Variants in CTNND2 observed in about 807,000 individuals in gnomAD.
CTNND2 encodes the protein catenin delta-2.
In CTNND2, 22 loss-of-function variants were observed where a neutral mutation model predicts 144.4. That is an observed-to-expected ratio of 0.15 (90% CI 0.11 to 0.22). The LOEUF (loss-of-function observed/expected upper bound fraction) is 0.22, where lower values mean the gene tolerates loss of function less well. Ranked by LOEUF, CTNND2 falls within the 10% of genes least tolerant of loss-of-function variation. CTNND2 has a pLI of 1.00. For missense variants in CTNND2, 1,353 were observed against 1,618.8 expected, an observed-to-expected ratio of 0.84 and a Z score of 2.82; for synonymous variants, 751 against 695.6, an observed-to-expected ratio of 1.08 and a Z score of -1.25.
intron 2 of CTNND2, among the ~76,000 whole-genome samples, chr5:11,578,321 G>A (rs1333628244): frequency 2.0e-5 from 3 of 152,118 alleles, no homozygotes; most frequent in Admixed American, 1.3e-4. Flanking sequence ...TCTTCACAAT[G>A]ACCCAATGAT....
intron 9 of CTNND2, among the ~76,000 whole-genome samples, chr5:11,314,400 G>A (rs943860411): frequency 2.0e-5 from 3 of 152,156 alleles, no homozygotes; most frequent in Non-Finnish European, 4.4e-5. Flanking sequence ...ACCCAGGCTG[G>A]AGTGCAGCGG....
chr5:11,284,034 C>T (rs1747461100), intron 9 of CTNND2, among the ~76,000 whole-genome samples: 1 of 152,088 alleles, frequency 6.6e-6, no homozygotes, highest in South Asian at 2.1e-4. Context: ...TGAGATGGTC[C>T]CTTTACTGAG....
At chr5:10,999,741 C>A (rs1053084561) in intron 18 of CTNND2, among the ~76,000 whole-genome samples, 3 of 151,998 alleles carry the variant, frequency 2.0e-5, no homozygotes, top group African/African-American at 7.2e-5. Context: ...GATAGAAATC[C>A]AAAAAAGAAG....
At chr5:11,295,603 C>T (rs1033652227) in intron 9 of CTNND2, among the ~76,000 whole-genome samples, 1 of 152,124 alleles carries the variant, frequency 6.6e-6, no homozygotes, top group Non-Finnish European at 1.5e-5. Flanking sequence ...CTACAGTAAC[C>T]AAAACAGCAT....
At chr5:11,565,913 T>C (rs1777058178) in intron 2 of CTNND2, among the ~76,000 whole-genome samples, 1 of 152,186 alleles carries the variant, frequency 6.6e-6, no homozygotes, top group South Asian at 2.1e-4. Context: ...GTTTTTACAA[T>C]GTCACATTTA....
chr5:11,183,086 G>A (rs1391603474), intron 11 of CTNND2, among the ~76,000 whole-genome samples: 1 of 152,092 alleles, frequency 6.6e-6, no homozygotes, highest in African/African-American at 2.4e-5. Flanking sequence ...ATTTTCATTA[G>A]ATTCAAATTA....
intron 3 of CTNND2, among the ~76,000 whole-genome samples, chr5:11,533,536 G>A (rs1010279223): frequency 5.9e-5 from 9 of 152,178 alleles, no homozygotes; most frequent in Admixed American, 2.0e-4. Context: ...GCCAGCAGAC[G>A]TGGGGTAGCA....
At chr5:11,818,992 G>A (rs1368122950) in intron 1 of CTNND2, among the ~76,000 whole-genome samples, 1 of 152,174 alleles carries the variant, frequency 6.6e-6, no homozygotes, top group Non-Finnish European at 1.5e-5. Flanking sequence ...CTTATAAGTA[G>A]GCTTTACAGT....
chr5:11,858,606 T>C (rs866707938), intron 1 of CTNND2, among the ~76,000 whole-genome samples: 1 of 152,196 alleles, frequency 6.6e-6, no homozygotes, highest in African/African-American at 2.4e-5. Flanking sequence ...ACTATCCACG[T>C]TTAATCAAAT....
intron 1 of CTNND2, among the ~76,000 whole-genome samples, chr5:11,894,754 C>A (rs528893189): frequency 6.6e-6 from 1 of 152,180 alleles, no homozygotes; most frequent in Non-Finnish European, 1.5e-5. Context: ...CAAGAGAAGG[C>A]AAGTGCCAAG....
chr5:11,262,927 T>C (rs1381121045), intron 9 of CTNND2, among the ~76,000 whole-genome samples: 1 of 152,088 alleles, frequency 6.6e-6, no homozygotes, highest in African/African-American at 2.4e-5. Context: ...AAAAAAGACT[T>C]TTCCTGCCGA....
intron 12 of CTNND2, 113 bp downstream of exon 12, chr5:11,159,463 C>A: frequency 1.2e-6 from 1 of 856,030 alleles, no homozygotes; most frequent in African/African-American, 1.7e-5. Flanking sequence ...CATCAACATT[C>A]ATGTTTTCAG....
intron 1 of CTNND2, among the ~76,000 whole-genome samples, chr5:11,827,159 T>C (rs546871623): frequency 6.6e-6 from 1 of 152,284 alleles, no homozygotes; most frequent in South Asian, 2.1e-4. Flanking sequence ...GTTTGCAACT[T>C]ACAACATGCG....
At chr5:11,492,279 G>A (rs898898872) in intron 3 of CTNND2, among the ~76,000 whole-genome samples, 3 of 152,236 alleles carry the variant, frequency 2.0e-5, no homozygotes, top group African/African-American at 7.2e-5. Context: ...TGGCAAAGGA[G>A]CTTTTAGACT....
Position 11,528,310 on chromosome 5 carries a change from C to G in CTNND2, c.287+36634G>C, listed in dbSNP as rs145369993. On this transcript the variant is annotated intron_variant, in intron 3 of 21. Transcript: ENST00000304623. ...ATTTTCACAGACTTGAAGCTGTGCT[C>G]TTAAGTAATGGCTTTCTGGGTTTTC... Among the ~76,000 whole-genome samples, 223 of 152,164 alleles carry G rather than the reference C, an allele frequency of 1.5e-3. 2 individuals carry two copies. Among genetic ancestry groups the G allele is most frequent in the Non-Finnish European group, 2.0e-3 (134 of 68,018 alleles).
intron 12 of CTNND2, among the ~76,000 whole-genome samples, chr5:11,138,472 T>C (rs1756377617): frequency 6.6e-6 from 1 of 152,216 alleles, no homozygotes; most frequent in African/African-American, 2.4e-5. Context: ...GGACACGTGT[T>C]AAACTGGGTC....
At chr5:11,614,157 A>G (rs1203681829) in intron 2 of CTNND2, among the ~76,000 whole-genome samples, 1 of 152,168 alleles carries the variant, frequency 6.6e-6, no homozygotes, top group Non-Finnish European at 1.5e-5. Flanking sequence ...TAAGAGTACA[A>G]TTATGCTTCT....
intron 3 of CTNND2, among the ~76,000 whole-genome samples, chr5:11,504,129 G>C (rs568129475): frequency 2.0e-4 from 31 of 152,290 alleles, no homozygotes; most frequent in African/African-American, 7.0e-4. Flanking sequence ...ATTATTTGTA[G>C]CTTTTACATG....
chr5:11,532,832 T>C (rs1036107685), intron 3 of CTNND2, among the ~76,000 whole-genome samples: 3 of 152,222 alleles, frequency 2.0e-5, no homozygotes, highest in African/African-American at 7.2e-5. Flanking sequence ...TTACAGCAAG[T>C]GACTTCCTAT....
Sources: allele counts gnomAD v4.1 joint callset (sites outside exome capture counted in the v4.1 genomes callset), GRCh38; gene constraint gnomAD v4.1.1; transcripts MANE v1.5; gene names NCBI Gene and HGNC (gene_info 2026-07-23, HGNC 2026-07-21).